UGT1A10: variants seen among roughly 807,000 people sequenced by gnomAD.
The protein encoded by UGT1A10 is UDP glucuronosyltransferase family 1 member A10, also known as UDP-glucuronosyltransferase 1A10.
Under a neutral mutation model 45.8 loss-of-function variants are expected in UGT1A10, and 49 were observed. That is an observed-to-expected ratio of 1.07 (90% CI 0.85 to 1.36). The LOEUF is 1.36. Ranked by LOEUF, UGT1A10 falls within the 40% of genes most tolerant of loss-of-function variation. UGT1A10 has a pLI of 0.00. For synonymous variants in UGT1A10, 284 were observed against 249.7 expected, an observed-to-expected ratio of 1.14 and a Z score of -1.29; for missense variants, 745 against 668.6, an observed-to-expected ratio of 1.11 and a Z score of -1.26.
chr2:233,717,187 C>T (rs922401746), intron 1 of UGT1A10, among the ~76,000 whole-genome samples: 12 of 152,214 alleles, frequency 7.9e-5, no homozygotes, highest in Admixed American at 2.6e-4. Flanking sequence ...AGCACCCTCC[C>T]AGGCATGTTC....
At chr2:233,709,458 T>A (rs1048342871) in intron 1 of UGT1A10, among the ~76,000 whole-genome samples, 2 of 152,212 alleles carry the variant, frequency 1.3e-5, no homozygotes, top group African/African-American at 4.8e-5. Flanking sequence ...TTTAAAGCAA[T>A]CATTTTGGGG....
chr2:233,726,321 G>A (rs1278846802), intron 1 of UGT1A10, among the ~76,000 whole-genome samples: 1 of 152,184 alleles, frequency 6.6e-6, no homozygotes, highest in African/African-American at 2.4e-5. Context: ...GAGCTCAGGA[G>A]TTTCAGCACC....
At chr2:233,644,321 A>G (rs983058884) in intron 1 of UGT1A10, among the ~76,000 whole-genome samples, 1 of 152,160 alleles carries the variant, frequency 6.6e-6, no homozygotes, top group Non-Finnish European at 1.5e-5. Context: ...TAATCCCAGC[A>G]CTTAGGGAGG....
rs541409164 is a variant in UGT1A10, at chr2:233,760,784, T to G, written c.856-6250T>G. ...CCCATCGTGGCCCAGTACCTGTCTC[T>G]GCCCACTGTATTCTTCTTGCATGCA... On this transcript the variant is annotated intron_variant, in intron 1 of 4. Transcript: ENST00000344644. 7 of 1,613,832 alleles carry G rather than the reference T, an allele frequency of 4.3e-6. No homozygotes were observed. In the East Asian group the frequency reaches 1.6e-4, roughly 36 times the overall value.
chr2:233,718,010 G>A lies in UGT1A10; in HGVS notation c.856-49024G>A, dbSNP rs28898608. On this transcript the variant is annotated intron_variant, in intron 1 of 4. Transcript: ENST00000344644. ...CAGACTGTGCAAGATCTGAGGCCAG[G>A]CTCCAGCTCCCCAGGTCCTTTGGTG... The A allele has an allele frequency of 4.4e-3, 1,784 of 402,414 alleles. 38 individuals carry two copies. Among genetic ancestry groups the A allele is most frequent in the African/African-American group, 0.033 (1,616 of 48,364 alleles). The allele number at this position is 402,414 out of a possible 1,614,324, so 24.9% of individuals were successfully genotyped here. A position where few individuals can be genotyped will look rare whatever the true frequency, so the allele number is the denominator to read the frequency against.
At chr2:233,670,331 C>T (rs1481327498) in intron 1 of UGT1A10, among the ~76,000 whole-genome samples, 3 of 152,140 alleles carry the variant, frequency 2.0e-5, no homozygotes, top group Non-Finnish European at 4.4e-5. Flanking sequence ...GAGACAGGTA[C>T]ACTTGGTGTA....
intron 1 of UGT1A10, among the ~76,000 whole-genome samples, chr2:233,715,022 G>A (rs1438116974): frequency 2.0e-5 from 3 of 152,060 alleles, no homozygotes; most frequent in Admixed American, 1.3e-4. Flanking sequence ...AACTACAGGC[G>A]CATGGCACCA....
intron 1 of UGT1A10, chr2:233,647,988 G>A: frequency 1.2e-6 from 2 of 1,607,944 alleles, no homozygotes; most frequent in East Asian, 2.2e-5. Context: ...TCATTCTCAG[G>A]GGGCATGAGG....
At chr2:233,767,550 T>C (rs2110298) in intron 2 of UGT1A10, among the ~76,000 whole-genome samples, 2,565 of 152,382 alleles carry the variant, frequency 0.017, 61 homozygotes, top group Admixed American at 0.057. Flanking sequence ...CTTATAGTTC[T>C]GCATCCACTT....
At chr2:233,719,730 C>G in intron 1 of UGT1A10, 3 of 1,613,500 alleles carry the variant, frequency 1.9e-6, no homozygotes, top group Non-Finnish European at 2.5e-6. Flanking sequence ...CCAGGCAAAA[C>G]ACTTTTTAAA....
At chr2:233,743,650 G>C (rs556129739) in intron 1 of UGT1A10, 34 of 1,367,276 alleles carry the variant, frequency 2.5e-5, no homozygotes, top group East Asian at 9.1e-5. Flanking sequence ...AGCTGAAGAC[G>C]TACTCGAAGG....
At chr2:233,671,710 C>A in intron 1 of UGT1A10, 2 of 970,568 alleles carry the variant, frequency 2.1e-6, no homozygotes, top group Non-Finnish European at 2.8e-6. Flanking sequence ...AGGCAAAGAC[C>A]ATAAGCTACT....
At chr2:233,718,650 G>C (rs762582073) in intron 1 of UGT1A10, 2 of 1,506,594 alleles carry the variant, frequency 1.3e-6, no homozygotes, top group Non-Finnish European at 1.8e-6. Context: ...GGCCCATAAC[G>C]AAAGGCAGTT....
At chr2:233,714,782 C>T (rs1312718757) in intron 1 of UGT1A10, among the ~76,000 whole-genome samples, 1 of 152,114 alleles carries the variant, frequency 6.6e-6, no homozygotes, top group Non-Finnish European at 1.5e-5. Flanking sequence ...TTGGAATAGC[C>T]ACATTTCAAG....
intron 1 of UGT1A10, among the ~76,000 whole-genome samples, chr2:233,718,350 T>C: frequency 6.6e-6 from 1 of 152,358 alleles, no homozygotes; most frequent in Non-Finnish European, 1.5e-5. Flanking sequence ...CTTTTGGATG[T>C]GCTGTGTTAT....
intron 1 of UGT1A10, among the ~76,000 whole-genome samples, chr2:233,723,472 A>G (rs1156962983): frequency 1.5e-5 from 2 of 137,344 alleles, no homozygotes; most frequent in African/African-American, 5.7e-5. Context: ...AGCCTCCCAA[A>G]GTGCTAGGAT....
At chr2:233,729,624 G>A (rs563451648) in intron 1 of UGT1A10, 25 of 1,613,906 alleles carry the variant, frequency 1.5e-5, no homozygotes, top group African/African-American at 6.7e-5. Context: ...AGTACCTGTC[G>A]ATTCCTACTG....
intron 1 of UGT1A10, among the ~76,000 whole-genome samples, chr2:233,666,380 T>C (rs891460005): frequency 2.6e-5 from 4 of 152,196 alleles, no homozygotes; most frequent in Admixed American, 2.0e-4. Flanking sequence ...ATCTTTTTCA[T>C]TGCAGCTATT....
intron 1 of UGT1A10, among the ~76,000 whole-genome samples, chr2:233,711,069 T>C (rs914736641): frequency 2.6e-5 from 4 of 152,212 alleles, no homozygotes; most frequent in Non-Finnish European, 5.9e-5. Context: ...TCACCACTTA[T>C]GCTGATGGCT....
Sources: allele counts gnomAD v4.1 joint callset (sites outside exome capture counted in the v4.1 genomes callset), GRCh38; gene constraint gnomAD v4.1.1; transcripts MANE v1.5; gene names NCBI Gene and HGNC (gene_info 2026-07-23, HGNC 2026-07-21).